The following TCF3 variants were observed in gnomAD, a reference collection of about 807,000 sequenced individuals.
TCF3 encodes transcription factor 3.
A neutral mutation model predicts 72.3 loss-of-function variants in TCF3; 54 were observed. The observed-to-expected ratio is 0.75, with a 90% CI of 0.60 to 0.94. The LOEUF is 0.94. Ranked by LOEUF, TCF3 falls within the 40% of genes least tolerant of loss-of-function variation. The pLI is 0.00. For synonymous variants in TCF3, 525 were observed against 412.6 expected (o/e 1.27, Z -3.30); for missense variants, 1,078 against 934.4 (o/e 1.15, Z -2.00).
chr19:1,619,719 G>A (rs2061943284), intron 14 of TCF3, 61 bp downstream of exon 14: 1 of 1,410,488 alleles, frequency 7.1e-7, no homozygotes, highest in Non-Finnish European at 9.7e-7. Flanking sequence ...TCCTTCTCAA[G>A]GAGCGTCTGT....
At position 1,615,620 on chromosome 19, in the gene TCF3, T is replaced by C; in HGVS notation, c.1586+66A>G. On this transcript the variant is annotated intron_variant, in intron 17 of 18. Transcript: ENST00000262965. This position sits in a 1 kb window ranked among gnomAD's most constrained non-coding sequence, Gnocchi z 7.3. ...CCTCCCAGTGTGGGTGCGGTGTGCG[T>C]GTGGCCTGTGCACATGTGCGTCCTG... The C allele has an allele frequency of 6.2e-7, 1 of 1,609,922 alleles. No individual in the cohort carries two copies. The highest frequency in any genetic ancestry group is 1.1e-5 in the South Asian group (1 of 91,040).
intron 3 of TCF3, among the ~76,000 whole-genome samples, chr19:1,635,868 G>A (rs983705771): frequency 2.0e-5 from 3 of 152,132 alleles, no homozygotes; most frequent in African/African-American, 4.8e-5. Context: ...TTAACACCTC[G>A]ACAGCTCCTC....
intron 5 of TCF3, among the ~76,000 whole-genome samples, chr19:1,630,789 GCCC>G (rs913639506): frequency 1.8e-4 from 28 of 152,120 alleles, no homozygotes; most frequent in African/African-American, 6.7e-4. Flanking sequence ...GCCCTTACCA[GCCC>G]CCCAAGCAGC....
In TCF3 at chr19:1,611,661, AG is replaced by A; in HGVS notation, c.*45del. The A allele has an allele frequency of 6.3e-7, 1 of 1,584,634 alleles. No homozygotes were observed. Among genetic ancestry groups the A allele is most frequent in the Non-Finnish European group, 8.6e-7 (1 of 1,162,642 alleles). On this transcript the variant is annotated 3_prime_UTR_variant, in exon 19 of 19. Transcript: ENST00000262965. ...TCTCGAGTGGCCGTTCTGGGGCCAG[AG>A]CACAGGGCTGAAAGCGGGTGGCTCG...
chr19:1,611,858 A>G lies in TCF3; in HGVS notation c.1823-9T>C, dbSNP rs1289749077. 6 of 1,562,544 alleles carry G rather than the reference A, an allele frequency of 3.8e-6. No individual in the cohort carries two copies. In the Admixed American group the frequency reaches 5.4e-5, roughly 14 times the overall value. The stretch of plus-strand genomic sequence containing the variant: ...GGGATTCAGGTTCCGCTCTGGAGGG[A>G]GGGGGGAGAGCTCTGTGGGAGACGG... On this transcript the variant is annotated splice_polypyrimidine_tract_variant and intron_variant, in intron 18 of 18. Transcript: ENST00000262965.
At chr19:1,645,119 G>A (rs1193384165) in intron 3 of TCF3, among the ~76,000 whole-genome samples, 1 of 152,036 alleles carries the variant, frequency 6.6e-6, no homozygotes, top group East Asian at 1.9e-4. Context: ...GGGTGCAAGT[G>A]CCCAAGTACA....
chr19:1,648,162 T>C lies in TCF3; in HGVS notation c.73-1735A>G, dbSNP rs145921806. 7.6e-3 allele frequency among the ~76,000 whole-genome samples: 1,165 copies of C among 152,306 alleles called. 16 individuals carry two copies. The highest frequency in any genetic ancestry group is 0.054 in the Middle Eastern group (16 of 294). ...GGTTAGCGTTCTCCCTCGTATTTAT[T>C]TGGAGTTCCCTGTTCTCTCACTTTA... On this transcript the variant is annotated intron_variant, in intron 2 of 18. Coordinates refer to ENST00000262965, the MANE Select transcript of TCF3 (RefSeq NM_003200.5).
At chr19:1,624,172 C>A (rs1264106217) in intron 7 of TCF3, among the ~76,000 whole-genome samples, 172 bp from the exon 8 acceptor site, 3 of 152,130 alleles carry the variant, frequency 2.0e-5, no homozygotes, top group Non-Finnish European at 4.4e-5. Context: ...CCAAGGCAGG[C>A]AGATCACGAG....
At chr19:1,616,205 C>A (rs1345316131) in intron 16 of TCF3, among the ~76,000 whole-genome samples, 1 of 151,910 alleles carries the variant, frequency 6.6e-6, no homozygotes, top group Non-Finnish European at 1.5e-5. Context: ...TGGCTCACAC[C>A]AGCTCACACC....
chr19:1,625,838 G>A, intron 6 of TCF3, 130 bp from the exon 7 acceptor site: 2 of 1,189,752 alleles, frequency 1.7e-6, no homozygotes, highest in Non-Finnish European at 2.2e-6. Flanking sequence ...CCTTCTGCCT[G>A]TCACGGTGTT....
In TCF3 at chr19:1,615,439, G is replaced by C. The variant is rs1052758; in HGVS notation, c.1668C>G (p.Ala556=). 6.2e-7 allele frequency: 1 copy of C among 1,613,564 alleles called. No individual in the cohort carries two copies. The highest frequency in any genetic ancestry group is 2.2e-5 in the East Asian group (1 of 44,872). ...TGTCACGGACCCGCAGCCGCTCCCGGGCGTTATTGGCCACCCGGCGCTCCT... is the reference window on the plus strand; with the variant it reads ...TGTCACGGACCCGCAGCCGCTCCCGCGCGTTATTGGCCACCCGGCGCTCCT... ...REKERRVANN[A]RERLRVRDIN... is the part of the protein sequence containing the mutation. The change falls in exon 18 of 19, where the codon GCC becomes GCG. Residue 556 remains alanine, a synonymous_variant. Coordinates refer to ENST00000262965, the MANE Select transcript of TCF3 (RefSeq NM_003200.5). This position sits in a 1 kb window ranked among gnomAD's most constrained non-coding sequence, Gnocchi z 7.3.
At chr19:1,650,154 G>A in intron 2 of TCF3, 23 bp downstream of exon 2, 1 of 1,554,992 alleles carries the variant, frequency 6.4e-7, no homozygotes, top group Non-Finnish European at 8.7e-7. Context: ...GGTGTCGGGG[G>A]CTGGGCGGGG....
chr19:1,632,018 G>A lies in TCF3; in HGVS notation c.298+20C>T, dbSNP rs373919754. 3.0e-5 allele frequency: 49 copies of A among 1,610,084 alleles called. No homozygotes were observed. In the African/African-American group the frequency reaches 3.6e-4, roughly 12 times the overall value. On this transcript the variant is annotated intron_variant, in intron 5 of 18. Coordinates refer to ENST00000262965, the MANE Select transcript of TCF3 (RefSeq NM_003200.5). ...CACATCTGTGCACAGCAGAGGGACC[G>A]CACCAGGCCAGGCACTCACCTCCGA...
intron 2 of TCF3, 127 bp downstream of exon 2, chr19:1,650,050 G>T: frequency 2.1e-6 from 2 of 940,108 alleles, no homozygotes; most frequent in South Asian, 1.7e-5. Flanking sequence ...CAGCCCCACC[G>T]GGGCCTCCCA....
chr19:1,615,873 CA>C lies in TCF3; in HGVS notation c.1451-53del, dbSNP rs774584845. The C allele has an allele frequency of 2.0e-6, 3 of 1,496,968 alleles. No homozygotes were observed. The highest frequency in any genetic ancestry group is 2.7e-6 in the Non-Finnish European group (3 of 1,125,160). 92.7% of individuals were successfully genotyped at this position (1,496,968 alleles called of 1,614,324 possible). ...TGCGTCGGCCTCCAGGGCCAACTGA[CA>C]TATCTCTTTGTGCTCCTGTGGTGAG... On this transcript the variant is annotated intron_variant, in intron 16 of 18. Transcript: ENST00000262965. The surrounding 1 kb of genome is among the most constrained non-coding windows in gnomAD (Gnocchi z 7.3).
chr19:1,632,403 G>A lies in TCF3; in HGVS notation c.148C>T (p.Leu50Phe), dbSNP rs774660079. The change falls in exon 4 of 19, where the codon CTT becomes TTT. Residue 50 changes from leucine to phenylalanine, a missense_variant and splice_region_variant. Coordinates refer to ENST00000262965, the MANE Select transcript of TCF3 (RefSeq NM_003200.5). ...GAGCCTGAGCTGGGCCGGTCCTCAA[G>A]ACCTGCAGGCAGGACAGAGAGAGTT... is the stretch of plus-strand genomic sequence containing the variant. ...LAGAQFGGSG[L>F]EDRPSSGSWG... 1.6e-5 allele frequency: 25 copies of A among 1,592,258 alleles called. No individual in the cohort carries two copies. The East Asian group carries it at 5.4e-4, about 35-fold the overall frequency.
intron 1 of TCF3, chr19:1,650,718 C>G (rs1342435421): frequency 2.1e-5 from 5 of 234,620 alleles, no homozygotes; most frequent in Non-Finnish European, 4.2e-5. Flanking sequence ...GATCCTACCC[C>G]GCCCCGAGGG....
At chr19:1,650,995 T>C (rs1056616724) in intron 1 of TCF3, 1 of 230,650 alleles carries the variant, frequency 4.3e-6, no homozygotes. Context: ...ATTGCTTTAC[T>C]GTCGCGATGT....
At position 1,614,025 on chromosome 19, in the gene TCF3, CCTG is replaced by C. The variant is rs1186885880; in HGVS notation, c.1822+1257_1822+1259del. Among the ~76,000 whole-genome samples, 1 of 152,266 alleles carries C rather than the reference CCTG, an allele frequency of 6.6e-6. No homozygotes were observed. The highest frequency in any genetic ancestry group is 6.5e-5 in the Admixed American group (1 of 15,284). ...GGCCCAGGCCTCTGTGCTGCATGGC[CCTG>C]CATGGGTGACCTCGCTCTGTTCCCT... On this transcript the variant is annotated intron_variant, in intron 18 of 18. Coordinates refer to ENST00000262965, the MANE Select transcript of TCF3 (RefSeq NM_003200.5). This position sits in a 1 kb window ranked among gnomAD's most constrained non-coding sequence, Gnocchi z 5.6.
Sources: allele counts gnomAD v4.1 joint callset (sites outside exome capture counted in the v4.1 genomes callset), GRCh38; gene constraint gnomAD v4.1.1; non-coding constraint Gnocchi (gnomAD v3.1); transcripts MANE v1.5; gene names NCBI Gene and HGNC (gene_info 2026-07-23, HGNC 2026-07-21).